The following BMPR1B variants were observed in gnomAD, a reference collection of about 807,000 sequenced individuals.
BMPR1B encodes the protein bone morphogenetic protein receptor type 1B.
A neutral mutation model predicts 59.1 loss-of-function variants in BMPR1B; 12 were observed. That is an observed-to-expected ratio of 0.20 (90% CI 0.13 to 0.33). BMPR1B has a LOEUF of 0.33. Ranked by LOEUF, BMPR1B falls within the 10% of genes least tolerant of loss-of-function variation. The pLI is 1.00. For missense variants in BMPR1B, 550 were observed against 610.9 expected, an observed-to-expected ratio of 0.90 and a Z score of 1.05; for synonymous variants, 237 against 207.3, an observed-to-expected ratio of 1.14 and a Z score of -1.23.
chr4:95,026,077 C>A (rs914525222), intron 3 of BMPR1B, among the ~76,000 whole-genome samples: 1 of 132,642 alleles, frequency 7.5e-6, no homozygotes. Flanking sequence ...CCATGCTTGG[C>A]TGGCTGGATT....
intron 2 of BMPR1B, among the ~76,000 whole-genome samples, chr4:94,896,508 T>A (rs1020365053): frequency 1.3e-5 from 2 of 152,006 alleles, no homozygotes; most frequent in African/African-American, 4.8e-5. Context: ...TGATTATATG[T>A]TAATGCTGGG....
intron 2 of BMPR1B, among the ~76,000 whole-genome samples, chr4:94,929,205 C>T (rs1416714072): frequency 2.0e-5 from 3 of 152,042 alleles, no homozygotes; most frequent in Admixed American, 6.6e-5. Flanking sequence ...TCAAAGCCGT[C>T]GTTAAACATT....
At chr4:95,098,866 G>A (rs903263217) in intron 3 of BMPR1B, among the ~76,000 whole-genome samples, 2 of 151,954 alleles carry the variant, frequency 1.3e-5, no homozygotes, top group Non-Finnish European at 2.9e-5. Flanking sequence ...ACAGGTGCCC[G>A]CTACCATGCC....
intron 3 of BMPR1B, among the ~76,000 whole-genome samples, chr4:95,064,845 A>G (rs962256969): frequency 1.3e-5 from 2 of 152,168 alleles, no homozygotes; most frequent in South Asian, 4.1e-4. Context: ...CACATGTACT[A>G]GGATGGCTGT....
intron 1 of BMPR1B, among the ~76,000 whole-genome samples, chr4:94,836,542 T>C (rs1268440541): frequency 6.1e-5 from 9 of 147,016 alleles, no homozygotes; most frequent in Non-Finnish European, 1.4e-4. Context: ...GTTTTTTGGC[T>C]GCATAAATGT....
chr4:95,020,353 G>A (rs1387427624), intron 3 of BMPR1B, among the ~76,000 whole-genome samples: 1 of 152,170 alleles, frequency 6.6e-6, no homozygotes, highest in Non-Finnish European at 1.5e-5. Flanking sequence ...GCCGAGGCGG[G>A]CAGATCACGA....
chr4:94,964,944 C>G (rs556700186), intron 2 of BMPR1B, among the ~76,000 whole-genome samples: 76 of 152,256 alleles, frequency 5.0e-4, no homozygotes, highest in African/African-American at 1.8e-3. Flanking sequence ...ACCCTTGCCC[C>G]TGCCTATTCT....
chr4:94,880,771 G>A (rs957617023), intron 2 of BMPR1B, among the ~76,000 whole-genome samples: 2 of 150,260 alleles, frequency 1.3e-5, no homozygotes, highest in Admixed American at 1.3e-4. Flanking sequence ...CCAAGTAGCT[G>A]AGATTACAGG....
chr4:94,950,772 G>C (rs890807698), intron 2 of BMPR1B, among the ~76,000 whole-genome samples: 1 of 152,066 alleles, frequency 6.6e-6, no homozygotes, highest in Non-Finnish European at 1.5e-5. Context: ...TTGGCTATAT[G>C]GCCTTTTTTT....
Position 94,791,255 on chromosome 4 carries a change from C to T in BMPR1B, c.-183+33187C>T, listed in dbSNP as rs559822449. On this transcript the variant is annotated intron_variant, in intron 1 of 12. Transcript: ENST00000515059. ...CCACCTGCCTTGGCCTCCCAAAGTGCTGGGATTACAGGTGTGAGCCAACCC... is the reference window on the plus strand; with the variant it reads ...CCACCTGCCTTGGCCTCCCAAAGTGTTGGGATTACAGGTGTGAGCCAACCC... Among the ~76,000 whole-genome samples the T allele has an allele frequency of 4.6e-5, 7 of 152,238 alleles. No homozygotes were observed. The East Asian group carries it at 7.7e-4, about 17-fold the overall frequency.
At chr4:94,982,907 C>T (rs1411734202) in intron 2 of BMPR1B, among the ~76,000 whole-genome samples, 5 of 152,134 alleles carry the variant, frequency 3.3e-5, no homozygotes, top group African/African-American at 1.2e-4. Flanking sequence ...ATGGCATGAA[C>T]CCGGGAGGCG....
At chr4:95,113,929 A>G (rs1227732661) in intron 4 of BMPR1B, among the ~76,000 whole-genome samples, 1 of 152,150 alleles carries the variant, frequency 6.6e-6, no homozygotes, top group African/African-American at 2.4e-5. Context: ...ATGATGTAGA[A>G]TAAGTGAAAG....
intron 1 of BMPR1B, among the ~76,000 whole-genome samples, chr4:94,810,959 G>A (rs1485493851): frequency 1.3e-5 from 2 of 152,282 alleles, no homozygotes; most frequent in Middle Eastern, 3.4e-3. Context: ...GGTAGAAAAT[G>A]TACTGGTTAT....
At chr4:94,884,567 A>G (rs1727100824) in intron 2 of BMPR1B, among the ~76,000 whole-genome samples, 1 of 152,044 alleles carries the variant, frequency 6.6e-6, no homozygotes, top group Non-Finnish European at 1.5e-5. Context: ...TAAATGGAGG[A>G]TACTTTCAAA....
chr4:95,044,437 A>G (rs1219467096), intron 3 of BMPR1B, among the ~76,000 whole-genome samples: 1 of 152,178 alleles, frequency 6.6e-6, no homozygotes, highest in Non-Finnish European at 1.5e-5. Flanking sequence ...TAATGTGTGA[A>G]TACTTAAAGA....
At chr4:94,943,162 A>G (rs1013120678) in intron 2 of BMPR1B, among the ~76,000 whole-genome samples, 2 of 149,540 alleles carry the variant, frequency 1.3e-5, no homozygotes, top group African/African-American at 4.9e-5. Context: ...TTTTTTTGAG[A>G]CAGAGTTCAC....
intron 3 of BMPR1B, among the ~76,000 whole-genome samples, chr4:95,099,628 G>A (rs954265462): frequency 7.2e-5 from 11 of 152,160 alleles, no homozygotes; most frequent in African/African-American, 2.4e-4. Flanking sequence ...GCACACACAC[G>A]TTACAGTAGG....
intron 3 of BMPR1B, among the ~76,000 whole-genome samples, chr4:95,045,562 T>C (rs1285372350): frequency 2.6e-5 from 4 of 152,208 alleles, no homozygotes; most frequent in African/African-American, 9.6e-5. Flanking sequence ...TTCTCTTTGC[T>C]TAGGATTCCT....
chr4:95,058,080 C>A (rs1418016648), intron 3 of BMPR1B, among the ~76,000 whole-genome samples: 3 of 152,068 alleles, frequency 2.0e-5, no homozygotes, highest in African/African-American at 7.2e-5. Context: ...GACTTTAGTT[C>A]TAGGACATTG....
Sources: allele counts gnomAD v4.1 joint callset (sites outside exome capture counted in the v4.1 genomes callset), GRCh38; gene constraint gnomAD v4.1.1; transcripts MANE v1.5; gene names NCBI Gene and HGNC (gene_info 2026-07-23, HGNC 2026-07-21).